Variants in PARN observed in about 807,000 individuals in gnomAD.
The protein encoded by PARN is poly(A)-specific ribonuclease.
PARN carries 71 observed loss-of-function variants against 102.8 expected under a neutral mutation model. The ratio of observed to expected loss-of-function variants is 0.69; its 90% CI spans 0.57 to 0.84. PARN has a LOEUF of 0.84. Ranked by LOEUF, PARN falls within the 40% of genes least tolerant of loss-of-function variation. PARN has a pLI of 0.00. For synonymous variants in PARN, 261 were observed against 252.9 expected, an observed-to-expected ratio of 1.03 and a Z score of -0.30; for missense variants, 782 against 760.9, an observed-to-expected ratio of 1.03 and a Z score of -0.33.
At chr16:14,521,763 T>C (rs1331097374) in intron 21 of PARN, among the ~76,000 whole-genome samples, 5 of 151,344 alleles carry the variant, frequency 3.3e-5, no homozygotes, top group Admixed American at 1.3e-4. Context: ...GATTGCGCCA[T>C]TGCACTCCAG....
chr16:14,473,115 C>G (rs1019335746), intron 22 of PARN, among the ~76,000 whole-genome samples: 8 of 152,074 alleles, frequency 5.3e-5, no homozygotes, highest in African/African-American at 1.7e-4. Flanking sequence ...ATACATTGTT[C>G]AAAGTTGGTA....
At chr16:14,557,463 A>T (rs993711701) in intron 18 of PARN, among the ~76,000 whole-genome samples, 2 of 151,178 alleles carry the variant, frequency 1.3e-5, no homozygotes, top group African/African-American at 4.9e-5. Context: ...AGGCTAAGGC[A>T]GGAGAATCGC....
At chr16:14,611,294 T>C (rs1032187462) in intron 6 of PARN, among the ~76,000 whole-genome samples, 5 of 152,196 alleles carry the variant, frequency 3.3e-5, no homozygotes, top group African/African-American at 9.7e-5. Context: ...AAAAATGGAA[T>C]GGTACAGCAT....
chr16:14,487,136 C>A (rs1596495144), intron 21 of PARN, among the ~76,000 whole-genome samples: 1 of 152,248 alleles, frequency 6.6e-6, no homozygotes, highest in Non-Finnish European at 1.5e-5. Context: ...TGTCTCTTGA[C>A]ACTGCACACA....
At chr16:14,496,923 T>C (rs1567322912) in intron 21 of PARN, among the ~76,000 whole-genome samples, 2 of 152,196 alleles carry the variant, frequency 1.3e-5, no homozygotes, top group Non-Finnish European at 2.9e-5. Context: ...TTATTTTGAA[T>C]ACGACAGAAC....
At chr16:14,600,533 T>G (rs1461917545) in intron 11 of PARN, among the ~76,000 whole-genome samples, 1 of 152,094 alleles carries the variant, frequency 6.6e-6, no homozygotes, top group Non-Finnish European at 1.5e-5. Flanking sequence ...TACTGCCCCT[T>G]CTACTTGTCT....
intron 21 of PARN, among the ~76,000 whole-genome samples, chr16:14,539,919 A>G (rs1277627804): frequency 6.6e-6 from 1 of 151,254 alleles, no homozygotes. Context: ...AATATACAAT[A>G]TAACAACTAC....
At chr16:14,495,084 C>A (rs1011360087) in intron 21 of PARN, among the ~76,000 whole-genome samples, 1 of 152,088 alleles carries the variant, frequency 6.6e-6, no homozygotes, top group South Asian at 2.1e-4. Flanking sequence ...TTAGGAGCAC[C>A]GGCCTTTAAT....
rs373433515 is a variant in PARN, at chr16:14,582,287, A to G, written c.1086T>C (p.Ser362=). The change falls in exon 17 of 24, where the codon AGT becomes AGC. Residue 362 remains serine (S), a synonymous_variant. Coordinates refer to ENST00000437198, the MANE Select transcript of PARN (RefSeq NM_002582.4). ...ETPFNPPKVE[S]AEGFPSYDTA... ...TGTCATAACTTGGAAAACCTTCGGC[A>G]CTTTCTAAGAAAAAAAAGGAAAAAG... 19 of 1,611,032 alleles carry G rather than the reference A, an allele frequency of 1.2e-5. No homozygotes were observed. The highest frequency in any genetic ancestry group is 1.6e-5 in the Non-Finnish European group (19 of 1,177,336).
chr16:14,592,343 G>A (rs544284424), intron 13 of PARN, among the ~76,000 whole-genome samples: 3 of 152,204 alleles, frequency 2.0e-5, no homozygotes, highest in Non-Finnish European at 2.9e-5. Context: ...GATCTGAACA[G>A]AGACCACAGC....
chr16:14,505,068 A>G (rs1026344417), intron 21 of PARN, among the ~76,000 whole-genome samples: 2 of 152,258 alleles, frequency 1.3e-5, no homozygotes, highest in East Asian at 1.9e-4. Flanking sequence ...AAGTTACCAC[A>G]TAACAATGCA....
At chr16:14,627,435 A>T in intron 3 of PARN, 99 bp from the exon 4 acceptor site, 1 of 757,542 alleles carries the variant, frequency 1.3e-6, no homozygotes, top group South Asian at 1.5e-5. Flanking sequence ...ACTCAATGAG[A>T]CTTCAGCAGA....
At chr16:14,618,612 G>A (rs1468098241) in intron 5 of PARN, among the ~76,000 whole-genome samples, 1 of 147,590 alleles carries the variant, frequency 6.8e-6, no homozygotes, top group Non-Finnish European at 1.5e-5. Flanking sequence ...AGTGAGCCGA[G>A]AGAGCCACTG....
intron 21 of PARN, among the ~76,000 whole-genome samples, chr16:14,506,408 T>C (rs1255724325): frequency 6.6e-6 from 1 of 152,198 alleles, no homozygotes; most frequent in Non-Finnish European, 1.5e-5. Context: ...GCATGGACAT[T>C]AGATCATATC....
chr16:14,455,158 T>C (rs1961623663), intron 22 of PARN, among the ~76,000 whole-genome samples: 1 of 152,256 alleles, frequency 6.6e-6, no homozygotes, highest in South Asian at 2.1e-4. Context: ...GTGAAAAATA[T>C]TCCAAATGTA....
chr16:14,570,809 C>T (rs909112666), intron 18 of PARN, among the ~76,000 whole-genome samples: 1 of 144,630 alleles, frequency 6.9e-6, no homozygotes, highest in South Asian at 2.2e-4. Context: ...GAGGCCCCCA[C>T]CTCTACAAAA....
chr16:14,579,139 T>C (rs916105440), intron 18 of PARN, among the ~76,000 whole-genome samples: 2 of 152,252 alleles, frequency 1.3e-5, no homozygotes, highest in South Asian at 4.1e-4. Flanking sequence ...GGCTAATTTT[T>C]GTACTTTTAG....
chr16:14,553,451 T>C (rs1406201949), intron 20 of PARN, among the ~76,000 whole-genome samples: 1 of 152,222 alleles, frequency 6.6e-6, no homozygotes, highest in Non-Finnish European at 1.5e-5. Flanking sequence ...TTCTTACTAC[T>C]GGACATTTAG....
At chr16:14,484,378 C>G (rs2151599829) in intron 21 of PARN, among the ~76,000 whole-genome samples, 1 of 152,256 alleles carries the variant, frequency 6.6e-6, no homozygotes, top group South Asian at 2.1e-4. Flanking sequence ...CGTTCCTAGC[C>G]CACTATCACT....
Sources: allele counts gnomAD v4.1 joint callset (sites outside exome capture counted in the v4.1 genomes callset), GRCh38; gene constraint gnomAD v4.1.1; transcripts MANE v1.5; gene names NCBI Gene and HGNC (gene_info 2026-07-23, HGNC 2026-07-21).